MALRD1: variants seen among roughly 807,000 people sequenced by gnomAD.
MALRD1 encodes the protein MAM and LDL receptor class A domain containing 1, also known as MAM and LDL-receptor class A domain-containing protein 1.
MALRD1 carries 247 observed loss-of-function variants against 242.1 expected under a neutral mutation model. That is an observed-to-expected ratio of 1.02 (90% CI 0.92 to 1.13). The LOEUF is 1.13. MALRD1 is among the 50% of genes most tolerant of loss of function. The pLI, the probability that MALRD1 is intolerant of heterozygous loss-of-function variation, is 0.00. For missense variants in MALRD1, 2,989 were observed against 2,533.1 expected (o/e 1.18, Z -3.86); for synonymous variants, 995 against 866.6 (o/e 1.15, Z -2.60).
chr10:19,371,557 A>T (rs1845379809), intron 26 of MALRD1, among the ~76,000 whole-genome samples: 3 of 152,020 alleles, frequency 2.0e-5, no homozygotes. Flanking sequence ...CAATTTTCAA[A>T]TCTTGGCCCA....
At chr10:19,214,518 G>A (rs966404567) in intron 18 of MALRD1, among the ~76,000 whole-genome samples, 3 of 152,116 alleles carry the variant, frequency 2.0e-5, no homozygotes, top group Non-Finnish European at 2.9e-5. Context: ...TTTTCAGATG[G>A]CACAGAACTT....
intron 28 of MALRD1, among the ~76,000 whole-genome samples, chr10:19,433,245 AG>A (rs1834216870): frequency 6.6e-6 from 1 of 152,130 alleles, no homozygotes; most frequent in African/African-American, 2.4e-5. Flanking sequence ...GCCTTTGTTG[AG>A]GGGGTCAGTG....
chr10:19,263,122 T>G (rs1351902228), intron 19 of MALRD1, among the ~76,000 whole-genome samples: 1 of 152,244 alleles, frequency 6.6e-6, no homozygotes, highest in Non-Finnish European at 1.5e-5. Flanking sequence ...GATGTCTCTT[T>G]GAAATAGTGA....
chr10:19,138,388 A>G (rs1477315921), intron 10 of MALRD1, among the ~76,000 whole-genome samples: 1 of 151,786 alleles, frequency 6.6e-6, no homozygotes, highest in Non-Finnish European at 1.5e-5. Context: ...CAATAACTGA[A>G]GGAAAATATA....
chr10:19,177,221 A>G (rs1229114097), intron 14 of MALRD1, among the ~76,000 whole-genome samples: 1 of 150,412 alleles, frequency 6.6e-6, no homozygotes, highest in Admixed American at 6.7e-5. Flanking sequence ...CGGAGCTTGT[A>G]GTGAGCCGAG....
At chr10:19,568,366 G>GTTGTTGTTGTTT (rs373554857) in intron 33 of MALRD1, among the ~76,000 whole-genome samples, 24 of 151,768 alleles carry the variant, frequency 1.6e-4, no homozygotes, top group African/African-American at 5.6e-4. Flanking sequence ...TGTTGTTGTT[G>GTTGTTGTTGTTT]TTGTTTTTTC....
At chr10:19,629,778 A>T (rs1225524135) in intron 36 of MALRD1, among the ~76,000 whole-genome samples, 1 of 152,100 alleles carries the variant, frequency 6.6e-6, no homozygotes, top group Non-Finnish European at 1.5e-5. Context: ...CAATTTCCCC[A>T]ATCAGGCCTC....
intron 33 of MALRD1, among the ~76,000 whole-genome samples, chr10:19,585,235 A>G (rs1837328410): frequency 6.6e-6 from 1 of 151,300 alleles, no homozygotes; most frequent in African/African-American, 2.4e-5. Context: ...ATTTAAAGTT[A>G]ATATTGTTAT....
intron 13 of MALRD1, among the ~76,000 whole-genome samples, chr10:19,170,490 G>A (rs1158867643): frequency 2.6e-5 from 4 of 151,912 alleles, no homozygotes; most frequent in East Asian, 1.9e-4. Flanking sequence ...TGTCTTTATC[G>A]GAGTCAATGA....
chr10:19,476,503 G>A (rs1428023994), intron 29 of MALRD1, among the ~76,000 whole-genome samples: 2 of 151,964 alleles, frequency 1.3e-5, no homozygotes, highest in Non-Finnish European at 2.9e-5. Context: ...TCAGGTTTCT[G>A]TGGTCCATAA....
intron 18 of MALRD1, among the ~76,000 whole-genome samples, chr10:19,228,981 G>GTGGT (rs1554815634): frequency 1.3e-3 from 30 of 22,532 alleles, no homozygotes; most frequent in South Asian, 7.7e-3. Context: ...GAATGCATGT[G>GTGGT]GTGTGTGTGT....
At position 19,385,007 on chromosome 10, in the gene MALRD1, T is replaced by C. The variant is rs187577489; in HGVS notation, c.4442-2521T>C. Among the ~76,000 whole-genome samples the C allele has an allele frequency of 2.2e-3, 337 of 152,040 alleles. 1 individual carries two copies. The highest frequency in any genetic ancestry group is 7.8e-3 in the African/African-American group (324 of 41,538). On this transcript the variant is annotated intron_variant, in intron 26 of 39. Transcript: ENST00000454679. ...AATTTTGTCAAATGCTTTTTCTGCA[T>C]CTATTGAAATGATCATAAGATTTTT...
intron 21 of MALRD1, among the ~76,000 whole-genome samples, chr10:19,311,445 A>C (rs1842418938): frequency 6.6e-6 from 1 of 151,532 alleles, no homozygotes; most frequent in South Asian, 2.1e-4. Context: ...TAAATACAAA[A>C]TTTTCTAACT....
At chr10:19,342,410 A>AGTG (rs1843926379) in intron 24 of MALRD1, among the ~76,000 whole-genome samples, 1 of 152,162 alleles carries the variant, frequency 6.6e-6, no homozygotes, top group African/African-American at 2.4e-5. Flanking sequence ...CCCCAATAGA[A>AGTG]GTGGCCCTAG....
At chr10:19,156,545 A>G (rs1834155015) in intron 12 of MALRD1, among the ~76,000 whole-genome samples, 3 of 151,146 alleles carry the variant, frequency 2.0e-5, no homozygotes, top group Non-Finnish European at 4.4e-5. Context: ...ATTCAAGGTC[A>G]TACATTAAAG....
At chr10:19,678,257 C>T (rs10764126) in intron 36 of MALRD1, among the ~76,000 whole-genome samples, 3 of 151,970 alleles carry the variant, frequency 2.0e-5, no homozygotes, top group Admixed American at 6.6e-5. Flanking sequence ...AATTACTTTG[C>T]GCAGTATGGC....
intron 10 of MALRD1, among the ~76,000 whole-genome samples, chr10:19,145,609 G>A (rs1204089605): frequency 3.3e-5 from 5 of 150,292 alleles, no homozygotes; most frequent in Non-Finnish European, 7.4e-5. Context: ...AACTGAGACT[G>A]CGCCACTGCA....
intron 36 of MALRD1, among the ~76,000 whole-genome samples, chr10:19,663,796 G>GTT (rs368036043): frequency 6.7e-6 from 1 of 149,698 alleles, no homozygotes; most frequent in African/African-American, 2.4e-5. Context: ...AGAAATGGGA[G>GTT]TTTTTTTTTT....
At chr10:19,181,273 A>G (rs1195812324) in intron 14 of MALRD1, among the ~76,000 whole-genome samples, 1 of 152,218 alleles carries the variant, frequency 6.6e-6, no homozygotes, top group African/African-American at 2.4e-5. Context: ...TGTTCGCTGC[A>G]GGATTATTCT....
Sources: allele counts gnomAD v4.1 joint callset (sites outside exome capture counted in the v4.1 genomes callset), GRCh38; gene constraint gnomAD v4.1.1; transcripts MANE v1.5; gene names NCBI Gene and HGNC (gene_info 2026-07-23, HGNC 2026-07-21).